Variants in NBEA observed in about 807,000 individuals in gnomAD.
NBEA encodes the protein neurobeachin, also known as lysosomal-trafficking regulator 2.
Under a neutral mutation model 343.4 loss-of-function variants are expected in NBEA, and 44 were observed. The observed-to-expected ratio is 0.13, with a 90% confidence interval of 0.10 to 0.16. The LOEUF (loss-of-function observed/expected upper bound fraction) is 0.16. Ranked by LOEUF, NBEA falls within the 10% of genes least tolerant of loss-of-function variation. The pLI is 1.00. For synonymous variants in NBEA, 1,175 were observed against 1,238.7 expected (o/e 0.95, Z 1.08); for missense variants, 2,555 against 3,631.3 (o/e 0.70, Z 7.62).
intron 41 of NBEA, chr13:35,474,827 G>A (rs1310895906): frequency 2.7e-5 from 14 of 512,368 alleles, no homozygotes; most frequent in Non-Finnish European, 2.7e-5. Context: ...GAAATCGTGT[G>A]GAAAGAAGTC....
intron 36 of NBEA, among the ~76,000 whole-genome samples, chr13:35,323,270 T>C (rs2038295135): frequency 6.6e-6 from 1 of 152,026 alleles, no homozygotes; most frequent in Admixed American, 6.6e-5. Context: ...CACACGTATG[T>C]TTACTGCGGC....
At chr13:35,371,296 G>T (rs2041418514) in intron 38 of NBEA, among the ~76,000 whole-genome samples, 1 of 151,758 alleles carries the variant, frequency 6.6e-6, no homozygotes, top group Non-Finnish European at 1.5e-5. Context: ...TGAGGACTTT[G>T]TTTATTATAT....
intron 17 of NBEA, among the ~76,000 whole-genome samples, chr13:35,125,490 T>C (rs1024096494): frequency 2.0e-5 from 3 of 152,160 alleles, no homozygotes; most frequent in Admixed American, 2.0e-4. Flanking sequence ...GGAGAAGATA[T>C]ATCACAAAGA....
chr13:35,531,250 T>C (rs997015209), intron 41 of NBEA, among the ~76,000 whole-genome samples: 2 of 152,182 alleles, frequency 1.3e-5, no homozygotes, highest in African/African-American at 4.8e-5. Context: ...CACCTGTAAT[T>C]AAAAAGTAGC....
intron 48 of NBEA, 42 bp from the exon 49 acceptor site, chr13:35,628,039 T>C (rs74332217): frequency 0.063 from 95,988 of 1,529,710 alleles, 3,413 homozygotes; most frequent in African/African-American, 0.09. Flanking sequence ...GAAGGTGTAC[T>C]AAGTTTTGAT....
chr13:35,067,371 T>C (rs1457288122), intron 8 of NBEA, among the ~76,000 whole-genome samples: 1 of 152,146 alleles, frequency 6.6e-6, no homozygotes, highest in Non-Finnish European at 1.5e-5. Context: ...ATACTCTACT[T>C]ATTTGAGTGT....
At chr13:35,069,142 C>T (rs915968180) in intron 8 of NBEA, among the ~76,000 whole-genome samples, 3 of 152,112 alleles carry the variant, frequency 2.0e-5, no homozygotes, top group African/African-American at 7.2e-5. Flanking sequence ...CTTAGAATTA[C>T]GTGCTGGCCC....
chr13:34,985,194 T>C lies in NBEA; in HGVS notation c.294+42080T>C, dbSNP rs997852058. ...GTGTGTTTGTCATAAATAGCTCTTA[T>C]TATTTTGAGATACGTTCCATTAATA... On this transcript the variant is annotated intron_variant, in intron 1 of 58. Coordinates refer to ENST00000379939, the MANE Select transcript of NBEA (RefSeq NM_001385012.1). 2.2e-4 allele frequency among the ~76,000 whole-genome samples: 34 copies of C among 151,140 alleles called. 2 individuals are homozygous for C. The highest frequency in any genetic ancestry group is 2.2e-4 in the Non-Finnish European group (15 of 67,454).
Position 35,615,136 on chromosome 13 carries a change from AAAAAAAAC to A in NBEA, c.7449+8566_7449+8573del, listed in dbSNP as rs1393887956. On this transcript the variant is annotated intron_variant, in intron 48 of 58. Coordinates refer to ENST00000379939, the MANE Select transcript of NBEA (RefSeq NM_001385012.1). The stretch of plus-strand genomic sequence containing the variant: ...CCATCTCTACTAAAAATACAAAAAA[AAAAAAAAC>A]AAAAAAAAATTAACAAGGCATGGTG... Among the ~76,000 whole-genome samples the A allele has an allele frequency of 4.1e-3, 615 of 149,766 alleles. 2 individuals carry two copies. The highest frequency in any genetic ancestry group is 6.4e-3 in the Non-Finnish European group (435 of 67,572).
At chr13:35,469,060 A>G (rs2075525826) in intron 40 of NBEA, among the ~76,000 whole-genome samples, 1 of 130,618 alleles carries the variant, frequency 7.7e-6, no homozygotes, top group Non-Finnish European at 1.6e-5. Flanking sequence ...AGATTGAGCC[A>G]TTGCACTCCA....
chr13:35,260,906 A>G (rs1472774396), intron 34 of NBEA, among the ~76,000 whole-genome samples: 3 of 152,216 alleles, frequency 2.0e-5, no homozygotes, highest in Non-Finnish European at 4.4e-5. Flanking sequence ...AGGGTTTTCT[A>G]GAACCATTCA....
intron 39 of NBEA, among the ~76,000 whole-genome samples, chr13:35,436,707 C>CAAA (rs71081254): frequency 3.2e-4 from 26 of 80,366 alleles, no homozygotes; most frequent in African/African-American, 9.0e-4. Flanking sequence ...GACTCCGTCT[C>CAAA]AAAAAAAAAA....
At chr13:35,110,629 G>A (rs2066155171) in intron 12 of NBEA, among the ~76,000 whole-genome samples, 181 bp from the exon 13 acceptor site, 1 of 151,894 alleles carries the variant, frequency 6.6e-6, no homozygotes, top group African/African-American at 2.4e-5. Context: ...TATGTTAATT[G>A]CAGATTATAT....
chr13:35,638,127 T>G (rs1287412174), intron 49 of NBEA, among the ~76,000 whole-genome samples: 3 of 152,104 alleles, frequency 2.0e-5, no homozygotes, highest in Non-Finnish European at 4.4e-5. Flanking sequence ...TGGCGAGTTT[T>G]TGTTTAATAA....
rs111674734 is a variant in NBEA, at chr13:35,007,111, A to G, written c.295-33822A>G. ...TTTTTTTGTACTAGTGAAATGGATGATAGATCAGAAATGATTCTGGTATCT... is the reference window on the plus strand; with the variant it reads ...TTTTTTTGTACTAGTGAAATGGATGGTAGATCAGAAATGATTCTGGTATCT... On this transcript the variant is annotated intron_variant, in intron 1 of 58. Transcript: ENST00000379939. Among the ~76,000 whole-genome samples the G allele has an allele frequency of 1.3e-3, 196 of 152,040 alleles. 1 individual carries two copies. Among genetic ancestry groups the G allele is most frequent in the African/African-American group, 4.4e-3 (182 of 41,450 alleles).
intron 1 of NBEA, among the ~76,000 whole-genome samples, chr13:34,973,047 G>T (rs1285060107): frequency 2.0e-5 from 3 of 152,010 alleles, no homozygotes; most frequent in African/African-American, 7.2e-5. Context: ...CTTTTCCACA[G>T]GACTGTTGCG....
At chr13:35,378,428 A>G (rs1053782107) in intron 38 of NBEA, among the ~76,000 whole-genome samples, 1 of 152,206 alleles carries the variant, frequency 6.6e-6, no homozygotes, top group African/African-American at 2.4e-5. Context: ...TTTAAGGTAT[A>G]TCATGACATT....
intron 39 of NBEA, among the ~76,000 whole-genome samples, chr13:35,440,045 AATTTTTGTATTTT>A (rs1378673269): frequency 6.6e-6 from 1 of 152,100 alleles, no homozygotes; most frequent in Non-Finnish European, 1.5e-5. Context: ...ACGCGCAGCT[AATTTTTGTATTTT>A]TAGTAGAGAC....
rs145925068 is a variant in NBEA at position 35,275,817 on chromosome 13, G to A, written c.5777-14572G>A. Among the ~76,000 whole-genome samples the A allele has an allele frequency of 2.4e-3, 368 of 152,178 alleles. 15 individuals carry two copies. The East Asian group carries it at 0.062, about 26-fold the overall frequency. ...AAACCACAATGAGATACCATCTCAT[G>A]CCAGTTAGAATGGCGATCATTAGAA... On this transcript the variant is annotated intron_variant, in intron 34 of 58. Transcript: ENST00000379939.
Sources: allele counts gnomAD v4.1 joint callset (sites outside exome capture counted in the v4.1 genomes callset), GRCh38; gene constraint gnomAD v4.1.1; transcripts MANE v1.5; gene names NCBI Gene and HGNC (gene_info 2026-07-23, HGNC 2026-07-21).